EPC1: variants seen among roughly 807,000 people sequenced by gnomAD.
EPC1 encodes enhancer of polycomb homolog 1.
In EPC1, 12 loss-of-function variants were observed where a neutral mutation model predicts 98.4. The observed-to-expected ratio is 0.12, with a 90% CI of 0.08 to 0.20. EPC1 has a LOEUF of 0.20. Ranked by LOEUF, EPC1 falls within the 10% of genes least tolerant of loss-of-function variation. The pLI is 1.00. For missense variants in EPC1, 729 were observed against 990.5 expected, an observed-to-expected ratio of 0.74 and a Z score of 3.54; for synonymous variants, 357 against 363.9, an observed-to-expected ratio of 0.98 and a Z score of 0.21.
chr10:32,297,341 C>T (rs1328713744), intron 2 of EPC1, among the ~76,000 whole-genome samples: 1 of 145,994 alleles, frequency 6.8e-6, no homozygotes, highest in Non-Finnish European at 1.5e-5. Context: ...GAGTGCAATG[C>T]TGTGATCTTA....
intron 1 of EPC1, among the ~76,000 whole-genome samples, chr10:32,343,701 G>A (rs560106920): frequency 3.3e-4 from 50 of 150,800 alleles, no homozygotes; most frequent in Non-Finnish European, 6.1e-4. Flanking sequence ...TTTTGGGGGG[G>A]GGGTGTAAGG....
chr10:32,337,386 T>C (rs1190350332), intron 1 of EPC1, among the ~76,000 whole-genome samples: 1 of 152,214 alleles, frequency 6.6e-6, no homozygotes, highest in Non-Finnish European at 1.5e-5. Context: ...AAGTTCCTCA[T>C]GGACAGGATC....
rs894338450 is a variant in EPC1 at position 32,324,887 on chromosome 10, C to T, written c.154-18956G>A. On this transcript the variant is annotated intron_variant, in intron 1 of 13. Coordinates refer to ENST00000319778, the MANE Select transcript of EPC1 (RefSeq NM_001272004.3). ...TGGAGCCTGTAGTCCCAGCCACTTG[C>T]GAGGCTGAGGCAGGAAAATGGCAAA... Among the ~76,000 whole-genome samples the T allele has an allele frequency of 3.9e-5, 6 of 151,914 alleles. No homozygotes were observed. In the East Asian group the frequency reaches 9.8e-4, roughly 25 times the overall value.
chr10:32,278,537 A>G (rs1836230685), intron 10 of EPC1, among the ~76,000 whole-genome samples: 1 of 145,344 alleles, frequency 6.9e-6, no homozygotes, highest in Non-Finnish European at 1.5e-5. Flanking sequence ...GCCCGCCACT[A>G]CGCCCGTCTA....
intron 10 of EPC1, among the ~76,000 whole-genome samples, chr10:32,280,924 C>A (rs922526513): frequency 3.9e-5 from 6 of 152,170 alleles, no homozygotes; most frequent in African/African-American, 1.2e-4. Flanking sequence ...CTCCAAGAAC[C>A]AAAACTTTTT....
At position 32,301,684 on chromosome 10, in the gene EPC1, A is replaced by G. The variant is rs567462634; in HGVS notation, c.313+4088T>C. 7.9e-5 allele frequency among the ~76,000 whole-genome samples: 12 copies of G among 152,356 alleles called. No homozygotes were observed. In the South Asian group the frequency reaches 2.5e-3, roughly 32 times the overall value. ...CAAAAGCAATTCAATAGAGGAAGGA[A>G]AGCTTTTTAAACAAATGATGCTGGA... On this transcript the variant is annotated intron_variant, in intron 2 of 13. Transcript: ENST00000319778.
rs886218528 is a variant in EPC1, at chr10:32,285,067, C to T, written c.1392-17G>A. 10 of 1,575,386 alleles carry T rather than the reference C, an allele frequency of 6.3e-6. No homozygotes were observed. The highest frequency in any genetic ancestry group is 6.9e-6 in the Non-Finnish European group (8 of 1,155,068). ...AGTAAGACCCTATTAAAAAATCAGA[C>T]AAGAAACAGTTATTTAAAATAGCTA... On this transcript the variant is annotated splice_polypyrimidine_tract_variant and intron_variant, in intron 9 of 13. Transcript: ENST00000319778.
chr10:32,299,508 T>C (rs1835367821), intron 2 of EPC1, among the ~76,000 whole-genome samples: 2 of 151,340 alleles, frequency 1.3e-5, no homozygotes, highest in Admixed American at 1.3e-4. Flanking sequence ...AAGACATTGA[T>C]GTTTTTTGGG....
intron 1 of EPC1, among the ~76,000 whole-genome samples, chr10:32,341,319 G>C (rs1385198715): frequency 9.1e-6 from 1 of 110,468 alleles, no homozygotes; most frequent in Non-Finnish European, 2.0e-5. Context: ...ACACATGTCT[G>C]TGTGTGTGTG....
intron 10 of EPC1, among the ~76,000 whole-genome samples, chr10:32,277,617 T>C (rs1836169319): frequency 6.6e-6 from 1 of 152,100 alleles, no homozygotes; most frequent in East Asian, 1.9e-4. Context: ...TGGAGTGCAG[T>C]GGTGTGATCT....
At chr10:32,284,605 G>A in intron 10 of EPC1, 93 bp downstream of exon 10, 4 of 1,032,118 alleles carry the variant, frequency 3.9e-6, no homozygotes, top group Non-Finnish European at 5.6e-6. Context: ...AGGACTTTAA[G>A]CCATAAATGT....
At chr10:32,300,170 C>T (rs1318087242) in intron 2 of EPC1, among the ~76,000 whole-genome samples, 1 of 152,154 alleles carries the variant, frequency 6.6e-6, no homozygotes, top group African/African-American at 2.4e-5. Flanking sequence ...CCTCAGCCTC[C>T]CAAAGTGCTG....
chr10:32,303,339 C>T (rs1402617649), intron 2 of EPC1, among the ~76,000 whole-genome samples: 1 of 151,886 alleles, frequency 6.6e-6, no homozygotes, highest in Non-Finnish European at 1.5e-5. Flanking sequence ...CTCATGTTCT[C>T]AAAAAAACTT....
chr10:32,345,124 T>C (rs1194596272), intron 1 of EPC1: 1 of 970,856 alleles, frequency 1.0e-6, no homozygotes, highest in Non-Finnish European at 1.2e-6. Flanking sequence ...CAGTCACAAG[T>C]ACTTTAATTT....
At position 32,332,252 on chromosome 10, in the gene EPC1, G is replaced by A. The variant is rs527841750; in HGVS notation, c.153+14511C>T. Among the ~76,000 whole-genome samples the A allele has an allele frequency of 4.6e-5, 7 of 152,300 alleles. No homozygotes were observed. The East Asian group carries it at 1.2e-3, about 25-fold the overall frequency. On this transcript the variant is annotated intron_variant, in intron 1 of 13. Transcript: ENST00000319778. Reference sequence around the variant, plus strand: ...AGGTTTGTTGAACAGATAGAGGAAAGGAAAAGCATTTGGGGTAAAGGACAG... The same window carrying A: ...AGGTTTGTTGAACAGATAGAGGAAAAGAAAAGCATTTGGGGTAAAGGACAG...
intron 1 of EPC1, among the ~76,000 whole-genome samples, chr10:32,322,262 C>G (rs1478934833): frequency 6.6e-6 from 1 of 151,888 alleles, no homozygotes; most frequent in African/African-American, 2.4e-5. Flanking sequence ...TTAGTTCTTC[C>G]TCTGGATTTC....
rs538872652 is a variant in EPC1 at position 32,327,216 on chromosome 10, G to C, written c.153+19547C>G. Among the ~76,000 whole-genome samples the C allele has an allele frequency of 1.7e-4, 26 of 152,228 alleles. No individual in the cohort carries two copies. In the South Asian group the frequency reaches 2.7e-3, roughly 16 times the overall value. ...AGACATAGAAAGATAAATATCACAT[G>C]ATCTCATTCATATGTGAAATCTCAA... On this transcript the variant is annotated intron_variant, in intron 1 of 13. Coordinates refer to ENST00000319778, the MANE Select transcript of EPC1 (RefSeq NM_001272004.3).
chr10:32,346,358 A>G, intron 1 of EPC1: 1 of 165,374 alleles, frequency 6.0e-6, no homozygotes, highest in Non-Finnish European at 1.3e-5. Flanking sequence ...GCCCACGGAG[A>G]GGCCTGTAGG....
chr10:32,317,213 G>C, intron 1 of EPC1, among the ~76,000 whole-genome samples: 1 of 151,884 alleles, frequency 6.6e-6, no homozygotes. Flanking sequence ...TTTATCCCAG[G>C]TCTACAATCA....
Sources: allele counts gnomAD v4.1 joint callset (sites outside exome capture counted in the v4.1 genomes callset), GRCh38; gene constraint gnomAD v4.1.1; transcripts MANE v1.5; gene names NCBI Gene and HGNC (gene_info 2026-07-23, HGNC 2026-07-21).